MAP3K7: variants seen among roughly 807,000 people sequenced by gnomAD.
MAP3K7 encodes the protein TGF-beta activated kinase 1.
MAP3K7 carries 21 observed loss-of-function variants against 84.8 expected under a neutral mutation model. The ratio of observed to expected loss-of-function variants is 0.25; its 90% CI spans 0.18 to 0.36. The LOEUF (loss-of-function observed/expected upper bound fraction) is 0.36, where lower values mean the gene tolerates loss of function less well. Among genes scored for constraint, MAP3K7 ranks in the 10% least tolerant of loss-of-function variants. The probability of loss-of-function intolerance (pLI) is 1.00; values close to 1 mark genes in which losing one functional copy is unlikely to be tolerated. For synonymous variants in MAP3K7, 241 were observed against 247.7 expected (o/e 0.97, Z 0.25); for missense variants, 503 against 747.7 (o/e 0.67, Z 3.82).
At chr6:90,524,778 T>C (rs372229552) in intron 13 of MAP3K7, among the ~76,000 whole-genome samples, 1 of 152,164 alleles carries the variant, frequency 6.6e-6, no homozygotes. Flanking sequence ...AGTGAATTTA[T>C]AGAATTATCA....
chr6:90,580,971 G>A (rs1302766833), intron 1 of MAP3K7, among the ~76,000 whole-genome samples: 5 of 152,100 alleles, frequency 3.3e-5, no homozygotes, highest in South Asian at 2.1e-4. Context: ...ATACAATTAA[G>A]TAGATTTAAA....
intron 5 of MAP3K7, among the ~76,000 whole-genome samples, chr6:90,558,683 G>C (rs943430919): frequency 1.3e-5 from 2 of 152,210 alleles, no homozygotes; most frequent in Admixed American, 1.3e-4. Context: ...ATGGGGTGTA[G>C]TTGGATGAAG....
At chr6:90,526,335 A>G (rs1459938118) in intron 13 of MAP3K7, among the ~76,000 whole-genome samples, 2 of 152,210 alleles carry the variant, frequency 1.3e-5, no homozygotes. Context: ...AAAACTGATT[A>G]TGTACTAAGC....
intron 12 of MAP3K7, among the ~76,000 whole-genome samples, chr6:90,538,991 G>A (rs16883088): frequency 0.021 from 3,127 of 151,916 alleles, 119 homozygotes; most frequent in African/African-American, 0.072. Flanking sequence ...TGAGATTCAC[G>A]AGTTTTGAAT....
chr6:90,568,002 G>C (rs1279878115), intron 3 of MAP3K7, among the ~76,000 whole-genome samples: 1 of 152,150 alleles, frequency 6.6e-6, no homozygotes, highest in Admixed American at 6.5e-5. Flanking sequence ...TCATAGATGG[G>C]AACTGAACAA....
At chr6:90,571,869 A>T (rs1776916111) in intron 1 of MAP3K7, 62 bp from the exon 2 acceptor site, 1 of 849,986 alleles carries the variant, frequency 1.2e-6, no homozygotes, top group African/African-American at 1.7e-5. Context: ...AATCAAATAG[A>T]TCAGCCCAAT....
rs563859368 is a variant in MAP3K7 at position 90,557,734 on chromosome 6, A to G, written c.483-1110T>C. Among the ~76,000 whole-genome samples the G allele has an allele frequency of 2.6e-5, 4 of 152,328 alleles. No individual in the cohort carries two copies. In the South Asian group the frequency reaches 8.3e-4, roughly 32 times the overall value. ...AATTTTCCTGAATGAGTTTTATGTT[A>G]GTACTCCTTTACTCGACTTCAAAAG... On this transcript the variant is annotated intron_variant, in intron 5 of 16. Coordinates refer to ENST00000369329, the MANE Select transcript of MAP3K7 (RefSeq NM_145331.3).
Position 90,571,797 on chromosome 6 carries a change from C to T in MAP3K7, c.131G>A (p.Arg44Lys). ...TTTGCAAACAACTCCAAAGGCTCCT[C>T]TTCCAACAACCTGAGTTAAACAAAC... ...KEIEVEEVVG[R>K]GAFGVVCKAK... The change falls in exon 2 of 17, where the codon AGA becomes AAA. Residue 44 changes from arginine (R) to lysine (K), a missense_variant. By Grantham distance (26) the Arg-to-Lys change is conservative. Transcript: ENST00000369329. The T allele has an allele frequency of 6.3e-7, 1 of 1,590,230 alleles. No homozygotes were observed. The highest frequency in any genetic ancestry group is 8.6e-7 in the Non-Finnish European group (1 of 1,167,854).
intron 1 of MAP3K7, among the ~76,000 whole-genome samples, chr6:90,581,435 T>A (rs1203904323): frequency 6.6e-6 from 1 of 152,184 alleles, no homozygotes; most frequent in Non-Finnish European, 1.5e-5. Flanking sequence ...ACTTGGAGCC[T>A]CCAACTATGT....
At chr6:90,583,990 A>C (rs1048211966) in intron 1 of MAP3K7, among the ~76,000 whole-genome samples, 2 of 152,214 alleles carry the variant, frequency 1.3e-5, no homozygotes, top group African/African-American at 4.8e-5. Context: ...AAGATCAGCT[A>C]ATGTCTTAGA....
intron 12 of MAP3K7, chr6:90,537,197 G>A (rs531097462): frequency 6.6e-6 from 1 of 152,100 alleles, no homozygotes; most frequent in South Asian, 2.1e-4. Context: ...ATCTTCTAAC[G>A]TGAGAGATCA....
chr6:90,567,414 G>T (rs1776746811), intron 3 of MAP3K7, among the ~76,000 whole-genome samples: 1 of 152,216 alleles, frequency 6.6e-6, no homozygotes, highest in Admixed American at 6.5e-5. Flanking sequence ...GATATGAACA[G>T]ACACTTCTCA....
chr6:90,571,597 C>T, intron 2 of MAP3K7, 100 bp downstream of exon 2: 1 of 617,304 alleles, frequency 1.6e-6, no homozygotes, highest in Non-Finnish European at 2.6e-6. Context: ...TTCATGTATA[C>T]AAAGAAATGA....
chr6:90,525,264 T>C (rs901533969), intron 13 of MAP3K7, among the ~76,000 whole-genome samples: 3 of 151,860 alleles, frequency 2.0e-5, no homozygotes, highest in Non-Finnish European at 4.4e-5. Context: ...TCAGAGAGAA[T>C]GTATTTTAGG....
Position 90,519,375 on chromosome 6 carries a change from C to T in MAP3K7, c.1463-56G>A, listed in dbSNP as rs569940153. The T allele has an allele frequency of 2.1e-4, 245 of 1,148,004 alleles. 1 individual carries two copies. In the Admixed American group the frequency reaches 4.2e-3, roughly 20 times the overall value. 71.1% of individuals were successfully genotyped at this position (1,148,004 alleles called of 1,614,324 possible). On this transcript the variant is annotated intron_variant, in intron 14 of 16. Coordinates refer to ENST00000369329, the MANE Select transcript of MAP3K7 (RefSeq NM_145331.3). Reference sequence around the variant, plus strand: ...TCTGTCACAAATAATTATAAACGAACAGCAAGAAAGCATGAATGAAATGCT... The same window carrying T: ...TCTGTCACAAATAATTATAAACGAATAGCAAGAAAGCATGAATGAAATGCT...
chr6:90,526,389 CTTAA>C (rs1374256487), intron 13 of MAP3K7, among the ~76,000 whole-genome samples: 19 of 152,010 alleles, frequency 1.2e-4, no homozygotes, highest in Non-Finnish European at 1.2e-4. Context: ...AGTATCATAA[CTTAA>C]TTACTTTTTA....
intron 16 of MAP3K7, among the ~76,000 whole-genome samples, chr6:90,517,707 A>C (rs1279066337): frequency 6.6e-6 from 1 of 151,786 alleles, no homozygotes; most frequent in Non-Finnish European, 1.5e-5. Context: ...AATTATGATA[A>C]AACAATTTTT....
chr6:90,534,846 T>C (rs534916739), intron 13 of MAP3K7, among the ~76,000 whole-genome samples: 35 of 152,228 alleles, frequency 2.3e-4, no homozygotes, highest in Admixed American at 1.0e-3. Flanking sequence ...TCAGTGGCAA[T>C]AGTAAACAGA....
chr6:90,563,326 A>G (rs1254445255), intron 3 of MAP3K7, among the ~76,000 whole-genome samples: 2 of 152,230 alleles, frequency 1.3e-5, no homozygotes, highest in Non-Finnish European at 2.9e-5. Flanking sequence ...AATACCTTGA[A>G]AAGAGATTAG....
Sources: allele counts gnomAD v4.1 joint callset (sites outside exome capture counted in the v4.1 genomes callset), GRCh38; gene constraint gnomAD v4.1.1; transcripts MANE v1.5; gene names NCBI Gene and HGNC (gene_info 2026-07-23, HGNC 2026-07-21).